LYPD6B: variants seen among roughly 807,000 people sequenced by gnomAD.
LYPD6B encodes the protein ly6/PLAUR domain-containing protein 6B.
Under a neutral mutation model 22.8 loss-of-function variants are expected in LYPD6B, and 17 were observed. The observed-to-expected ratio is 0.75, with a 90% CI of 0.51 to 1.12. The LOEUF is 1.12. Ranked by LOEUF, LYPD6B falls within the 50% of genes most tolerant of loss-of-function variation. The pLI is 0.00. For synonymous variants in LYPD6B, 106 were observed against 91.6 expected, an observed-to-expected ratio of 1.16 and a Z score of -0.90; for missense variants, 221 against 258.3, an observed-to-expected ratio of 0.86 and a Z score of 0.99.
chr2:149,165,565 T>G (rs1690365703), intron 3 of LYPD6B, among the ~76,000 whole-genome samples: 1 of 152,212 alleles, frequency 6.6e-6, no homozygotes, highest in Admixed American at 6.5e-5. Flanking sequence ...TTGTTTTTAC[T>G]ATATGCCCAG....
At chr2:149,184,085 G>A (rs1559061736) in intron 3 of LYPD6B, among the ~76,000 whole-genome samples, 2 of 151,946 alleles carry the variant, frequency 1.3e-5, no homozygotes, top group African/African-American at 2.4e-5. Context: ...CCAGCTACTC[G>A]GGAGGCTGAG....
chr2:149,049,605 T>G (rs899173812), intron 1 of LYPD6B, among the ~76,000 whole-genome samples: 1 of 152,212 alleles, frequency 6.6e-6, no homozygotes, highest in Non-Finnish European at 1.5e-5. Context: ...TGTTTCCAGC[T>G]TCTTCACTAC....
At chr2:149,040,836 G>A (rs1264336268) in intron 1 of LYPD6B, among the ~76,000 whole-genome samples, 1 of 152,200 alleles carries the variant, frequency 6.6e-6, no homozygotes, top group African/African-American at 2.4e-5. Context: ...GGCATCCTGT[G>A]TGTCCATCTT....
Position 149,038,722 on chromosome 2 carries a change from G to C in LYPD6B, c.-146G>C, listed in dbSNP as rs916082801. On this transcript the variant is annotated 5_prime_UTR_variant, in exon 1 of 7. Transcript: ENST00000409642. ...GCCCCGCGCGGTAGCAGCCAACGCCGGCCCCAGGCGGGTGCGCTGGGAGCC... is the reference window on the plus strand; with the variant it reads ...GCCCCGCGCGGTAGCAGCCAACGCCCGCCCCAGGCGGGTGCGCTGGGAGCC... The C allele has an allele frequency of 5.3e-5, 8 of 151,574 alleles. No homozygotes were observed. Among genetic ancestry groups the C allele is most frequent in the Non-Finnish European group, 7.4e-5 (5 of 67,864 alleles). 9.4% of individuals were successfully genotyped at this position (151,574 alleles called of 1,614,324 possible).
chr2:149,054,444 T>C (rs74977267), intron 1 of LYPD6B, among the ~76,000 whole-genome samples: 3,682 of 152,334 alleles, frequency 0.024, 155 homozygotes, highest in African/African-American at 0.085. Context: ...GATTTTTTTG[T>C]CTTTTTATTC....
At chr2:149,136,671 A>G (rs1348081067) in intron 2 of LYPD6B, among the ~76,000 whole-genome samples, 3 of 152,250 alleles carry the variant, frequency 2.0e-5, no homozygotes, top group African/African-American at 7.2e-5. Context: ...TTAGAAGGAT[A>G]TGGCTCCTCC....
chr2:149,135,250 A>T (rs983730079), intron 2 of LYPD6B, among the ~76,000 whole-genome samples: 3 of 45,572 alleles, frequency 6.6e-5, no homozygotes, highest in Non-Finnish European at 1.1e-4. Context: ...GTCTCAAATT[A>T]AAAAAAAAAA....
intron 3 of LYPD6B, among the ~76,000 whole-genome samples, chr2:149,189,619 T>C (rs1692367120): frequency 6.6e-6 from 1 of 151,838 alleles, no homozygotes; most frequent in African/African-American, 2.4e-5. Flanking sequence ...GTGCTGCTAA[T>C]AGCCAGCACA....
At chr2:149,163,048 G>A (rs947752017) in intron 3 of LYPD6B, among the ~76,000 whole-genome samples, 1 of 151,878 alleles carries the variant, frequency 6.6e-6, no homozygotes, top group Non-Finnish European at 1.5e-5. Flanking sequence ...GGGTCTCTGT[G>A]GGGGGTGGGG....
intron 1 of LYPD6B, among the ~76,000 whole-genome samples, chr2:149,115,127 T>C (rs1174723837): frequency 1.3e-5 from 2 of 152,078 alleles, no homozygotes; most frequent in Admixed American, 6.6e-5. Flanking sequence ...TTAGTAGAGA[T>C]GGGGTTTCAC....
intron 4 of LYPD6B, chr2:149,206,341 C>G (rs1693504778): frequency 4.8e-6 from 1 of 210,254 alleles, no homozygotes; most frequent in Non-Finnish European, 9.8e-6. Flanking sequence ...CTGTTCTTTA[C>G]TTTGTGCTTT....
intron 3 of LYPD6B, among the ~76,000 whole-genome samples, chr2:149,169,739 T>C (rs1472447134): frequency 6.6e-6 from 1 of 152,204 alleles, no homozygotes; most frequent in Non-Finnish European, 1.5e-5. Context: ...ATGCAGACTT[T>C]AAATACAGGG....
At chr2:149,055,468 G>A (rs1226336674) in intron 1 of LYPD6B, among the ~76,000 whole-genome samples, 3 of 152,176 alleles carry the variant, frequency 2.0e-5, no homozygotes, top group South Asian at 4.1e-4. Flanking sequence ...GTAAATCAAT[G>A]TGAAGAGTAT....
intron 1 of LYPD6B, among the ~76,000 whole-genome samples, chr2:149,044,066 C>T (rs1342101963): frequency 1.3e-5 from 2 of 151,962 alleles, no homozygotes; most frequent in African/African-American, 4.8e-5. Context: ...ATAGTGTAGG[C>T]CCTCCAACTT....
chr2:149,168,455 T>A (rs1690585728), intron 3 of LYPD6B, among the ~76,000 whole-genome samples: 1 of 152,170 alleles, frequency 6.6e-6, no homozygotes, highest in South Asian at 2.1e-4. Context: ...AACTTTAACC[T>A]GCCCTTGAAA....
chr2:149,084,410 A>C (rs1302397209), intron 1 of LYPD6B, among the ~76,000 whole-genome samples: 4 of 152,022 alleles, frequency 2.6e-5, no homozygotes, highest in Non-Finnish European at 4.4e-5. Context: ...TGACAGTTAC[A>C]GGCATTATTA....
chr2:149,116,074 C>G (rs1686992036), intron 1 of LYPD6B, among the ~76,000 whole-genome samples: 1 of 152,206 alleles, frequency 6.6e-6, no homozygotes, highest in South Asian at 2.1e-4. Context: ...CTCATTCCAT[C>G]TCATCATGTA....
At chr2:149,049,991 G>A (rs1683477963) in intron 1 of LYPD6B, among the ~76,000 whole-genome samples, 1 of 152,136 alleles carries the variant, frequency 6.6e-6, no homozygotes, top group African/African-American at 2.4e-5. Context: ...AATTTGAATT[G>A]TTTCTATAGC....
chr2:149,055,816 A>G (rs926570770), intron 1 of LYPD6B, among the ~76,000 whole-genome samples: 11 of 152,212 alleles, frequency 7.2e-5, no homozygotes, highest in African/African-American at 1.4e-4. Flanking sequence ...TCATCTCCAA[A>G]TGGAGGTAGT....
Sources: allele counts gnomAD v4.1 joint callset (sites outside exome capture counted in the v4.1 genomes callset), GRCh38; gene constraint gnomAD v4.1.1; transcripts MANE v1.5; gene names NCBI Gene and HGNC (gene_info 2026-07-23, HGNC 2026-07-21).